The following TMEM131L variants were observed in gnomAD, a reference collection of about 807,000 sequenced individuals.
The protein encoded by TMEM131L is transmembrane protein 131-like.
Under a neutral mutation model 192.2 loss-of-function variants are expected in TMEM131L, and 54 were observed. That is an observed-to-expected ratio of 0.28 (90% CI 0.23 to 0.35). TMEM131L has a LOEUF of 0.35. Among genes scored for constraint, TMEM131L ranks in the 10% least tolerant of loss-of-function variants. TMEM131L has a pLI of 1.00. For synonymous variants in TMEM131L, 701 were observed against 704.9 expected, an observed-to-expected ratio of 0.99 and a Z score of 0.09; for missense variants, 1,888 against 1,972.9, an observed-to-expected ratio of 0.96 and a Z score of 0.82.
At chr4:153,497,053 G>A (rs986693000) in intron 3 of TMEM131L, among the ~76,000 whole-genome samples, 3 of 152,016 alleles carry the variant, frequency 2.0e-5, no homozygotes, top group African/African-American at 7.2e-5. Context: ...GTAGAAATGG[G>A]GTTTTGCCAT....
intron 3 of TMEM131L, among the ~76,000 whole-genome samples, chr4:153,533,659 ACCT>A (rs1736091216): frequency 6.6e-6 from 1 of 152,026 alleles, no homozygotes; most frequent in African/African-American, 2.4e-5. Flanking sequence ...ACCAACTTGG[ACCT>A]CCTCTTACAG....
intron 3 of TMEM131L, among the ~76,000 whole-genome samples, chr4:153,487,323 G>T (rs918583860): frequency 6.6e-6 from 1 of 152,156 alleles, no homozygotes; most frequent in Admixed American, 6.5e-5. Context: ...CCTAGAATCC[G>T]TACGTATTCT....
At chr4:153,546,601 A>C (rs931792501) in intron 3 of TMEM131L, among the ~76,000 whole-genome samples, 6 of 152,312 alleles carry the variant, frequency 3.9e-5, no homozygotes, top group South Asian at 2.1e-4. Flanking sequence ...AAATTTTAGC[A>C]GTTTGTTCTC....
rs1172596714 is a variant in TMEM131L, at chr4:153,634,212, C to T, written c.4349C>T (p.Thr1450Ile). The change falls in exon 33 of 35, where the codon ACA (threonine) becomes ATA (isoleucine). Residue 1450 changes from threonine to isoleucine, a missense_variant. Thr to Ile is a moderately conservative substitution (Grantham distance 89). Coordinates refer to ENST00000409959, the MANE Select transcript of TMEM131L (RefSeq NM_001131007.2). ...VHNSFIDWSATCEGQFSSAYC... is the reference protein window; with the variant it reads ...VHNSFIDWSAICEGQFSSAYC... ...GGCAGTTTCATTGATTGGAGTGCAA[C>T]ATGCGAAGGCCAGTTTTCCAGCGCA... is the stretch of plus-strand genomic sequence containing the variant. 8 of 1,614,068 alleles carry T rather than the reference C, an allele frequency of 5.0e-6. No homozygotes were observed. Among genetic ancestry groups the T allele is most frequent in the Non-Finnish European group, 6.8e-6 (8 of 1,179,926 alleles).
Position 153,632,603 on chromosome 4 carries a change from C to G in TMEM131L, c.4208-115C>G. The G allele has an allele frequency of 1.6e-5, 18 of 1,124,820 alleles. No homozygotes were observed. The South Asian group carries it at 2.6e-4, about 17-fold the overall frequency. 69.7% of individuals were successfully genotyped at this position (1,124,820 alleles called of 1,614,324 possible). A position where few individuals can be genotyped will look rare whatever the true frequency, so the allele number is the denominator to read the frequency against. ...AAATTATATTCCGAAAGGAGTTAGT[C>G]AGCATGTGTGGGTGACATTAGGGAG... On this transcript the variant is annotated intron_variant, in intron 31 of 34. Transcript: ENST00000409959.
Position 153,636,641 on chromosome 4 carries a change from GTTA to G in TMEM131L, c.*68_*70del, listed in dbSNP as rs1252787795. On this transcript the variant is annotated 3_prime_UTR_variant, in exon 35 of 35. Coordinates refer to ENST00000409959, the MANE Select transcript of TMEM131L (RefSeq NM_001131007.2). ...GTGTTTTGATTACTAGTGTAAACTG[GTTA>G]TTGAGATAGATTATGACATTGGTGG... 2.0e-6 allele frequency: 3 copies of G among 1,477,152 alleles called. No individual in the cohort carries two copies. In the African/African-American group the frequency reaches 4.2e-5, roughly 21 times the overall value. 91.5% of individuals were successfully genotyped at this position (1,477,152 alleles called of 1,614,324 possible).
In TMEM131L at chr4:153,603,367, A is replaced by T; in HGVS notation, c.2704A>T (p.Met902Leu). ...AGCACAGTACATTCTCATGGAATTC[A>T]TGAAAACAAGACAGAGGCAAAATGC... ...QQAQYILMEF[M>L]KTRQRQNASS... Residue 902 changes from methionine (M) to leucine (L), a missense_variant, in exon 24 of 35, where the codon ATG becomes TTG. Physicochemically the swap from Met to Leu is conservative, Grantham distance 15. Transcript: ENST00000409959. The T allele has an allele frequency of 6.2e-7, 1 of 1,614,054 alleles. No individual in the cohort carries two copies. Among genetic ancestry groups the T allele is most frequent in the Non-Finnish European group, 8.5e-7 (1 of 1,179,946 alleles).
rs1226440870 is a variant in TMEM131L at position 153,581,482 on chromosome 4, G to C, written c.814G>C (p.Glu272Gln). ...GGTAACAATGGAAAACTTTTCAAAA[G>C]AATTTGAAGAAAACACACAACATTT... Reference protein sequence around the residue: ...IMVTMENFSKEFEENTQHLLD... With the variant: ...IMVTMENFSKQFEENTQHLLD... The change falls in exon 9 of 35, where the codon GAA (glutamate) becomes CAA (glutamine). Residue 272 changes from glutamate to glutamine, a missense_variant. Transcript: ENST00000409959. 1.9e-6 allele frequency: 3 copies of C among 1,599,716 alleles called. No individual in the cohort carries two copies. In the Admixed American group the frequency reaches 5.1e-5, roughly 27 times the overall value.
At chr4:153,587,045 G>A (rs1006723098) in intron 14 of TMEM131L, among the ~76,000 whole-genome samples, 1 of 151,766 alleles carries the variant, frequency 6.6e-6, no homozygotes, top group Non-Finnish European at 1.5e-5. Flanking sequence ...CTCACTTATA[G>A]TGTGGATCTT....
chr4:153,531,554 G>A lies in TMEM131L; in HGVS notation c.240-18519G>A, dbSNP rs1285889793. ...TTACTGAATCCAGAATAAAAATTGA[G>A]TTGTCTGTAATGAGAGTTAAAAATT... On this transcript the variant is annotated intron_variant, in intron 3 of 34. Coordinates refer to ENST00000409959, the MANE Select transcript of TMEM131L (RefSeq NM_001131007.2). 9.2e-5 allele frequency among the ~76,000 whole-genome samples: 14 copies of A among 152,326 alleles called. No homozygotes were observed. In the East Asian group the frequency reaches 2.3e-3, roughly 25 times the overall value.
intron 26 of TMEM131L, among the ~76,000 whole-genome samples, chr4:153,616,548 A>G (rs998147699): frequency 6.6e-6 from 1 of 152,208 alleles, no homozygotes; most frequent in Non-Finnish European, 1.5e-5. Context: ...GGAATCCGCA[A>G]ACTAAATTTT....
At chr4:153,482,224 T>C (rs1403908183) in intron 3 of TMEM131L, among the ~76,000 whole-genome samples, 1 of 152,202 alleles carries the variant, frequency 6.6e-6, no homozygotes, top group Non-Finnish European at 1.5e-5. Flanking sequence ...TATCCATGTA[T>C]AGCCTCATGG....
At chr4:153,499,240 G>A (rs942998313) in intron 3 of TMEM131L, among the ~76,000 whole-genome samples, 1 of 152,158 alleles carries the variant, frequency 6.6e-6, no homozygotes, top group Non-Finnish European at 1.5e-5. Context: ...GCGGTTAGTG[G>A]TGCCCAGCCT....
At chr4:153,635,275 A>G (rs72731610) in intron 33 of TMEM131L, among the ~76,000 whole-genome samples, 157 bp from the exon 34 acceptor site, 6,702 of 152,222 alleles carry the variant, frequency 0.044, 336 homozygotes, top group African/African-American at 0.12. Context: ...AATCTTGAGA[A>G]TGATGTTGCA....
chr4:153,612,024 C>CG (rs1193704881), intron 25 of TMEM131L, among the ~76,000 whole-genome samples: 1 of 151,966 alleles, frequency 6.6e-6, no homozygotes, highest in East Asian at 1.9e-4. Flanking sequence ...GTGTCCCCCC[C>CG]CACCTTTTTC....
At chr4:153,578,584 G>C (rs374869445) in intron 7 of TMEM131L, among the ~76,000 whole-genome samples, 1 of 149,932 alleles carries the variant, frequency 6.7e-6, no homozygotes, top group Non-Finnish European at 1.5e-5. Context: ...GCAGTGGCGC[G>C]ATCTCGGCAC....
chr4:153,590,373 C>T (rs1000755651), intron 16 of TMEM131L, among the ~76,000 whole-genome samples: 2 of 152,214 alleles, frequency 1.3e-5, no homozygotes, highest in African/African-American at 4.8e-5. Context: ...TATTTCATCT[C>T]ATCAGGAAGT....
chr4:153,544,374 A>C (rs1356218933), intron 3 of TMEM131L, among the ~76,000 whole-genome samples: 1 of 152,204 alleles, frequency 6.6e-6, no homozygotes, highest in Non-Finnish European at 1.5e-5. Flanking sequence ...TAAGGCCAGC[A>C]CACATCCACA....
intron 3 of TMEM131L, among the ~76,000 whole-genome samples, chr4:153,548,885 T>C (rs1737393797): frequency 6.6e-6 from 1 of 152,054 alleles, no homozygotes; most frequent in Admixed American, 6.5e-5. Context: ...CAAATTTCCA[T>C]TCCTGGACCA....
Sources: gnomAD v4.1 joint callset for allele counts (sites outside exome capture counted in the v4.1 genomes callset) on GRCh38, gnomAD v4.1.1 for gene constraint, MANE v1.5 for transcripts, NCBI Gene and HGNC (gene_info 2026-07-23, HGNC 2026-07-21) for gene names.